XCR1: variants seen among roughly 807,000 people sequenced by gnomAD.
The protein encoded by XCR1 is chemokine XC receptor 1.
For missense variants in XCR1, 356 were observed against 424.2 expected (o/e 0.84, Z 1.41); for synonymous variants, 187 against 188.5 (o/e 0.99, Z 0.06).
At chr3:46,073,843 C>A (rs1440487487) in intron 3 of XCR1, among the ~76,000 whole-genome samples, 1 of 151,598 alleles carries the variant, frequency 6.6e-6, no homozygotes, top group African/African-American at 2.4e-5. Flanking sequence ...TATTACAAAT[C>A]ATCAGAGAAA....
chr3:46,072,557 C>T (rs72889737), intron 3 of XCR1, among the ~76,000 whole-genome samples: 13,902 of 151,888 alleles, frequency 0.092, 2,163 homozygotes, highest in African/African-American at 0.32. Context: ...ATAAATTTAA[C>T]CAAGGAGGTG....
chr3:46,024,126 G>T, intron 1 of XCR1: 1 of 661,068 alleles, frequency 1.5e-6, no homozygotes, highest in Non-Finnish European at 2.7e-6. Context: ...ATCTCCCTGA[G>T]AATATTCTGA....
At chr3:46,065,923 G>C (rs528466983) in intron 4 of XCR1, among the ~76,000 whole-genome samples, 193 of 152,316 alleles carry the variant, frequency 1.3e-3, no homozygotes, top group African/African-American at 4.5e-3. Flanking sequence ...CTCCGGAAGA[G>C]GCCACGTAGG....
In XCR1 at chr3:46,063,197, A is replaced by G. The variant is rs188700352; in HGVS notation, c.-183+3702T>C. On this transcript the variant is annotated intron_variant, in intron 4 of 5. Transcript: ENST00000683768. ...TAATTGATGACAATTCAAGGAAGAG[A>G]CCATTTACAAAGGTGTGGCAGGATA... 8.9e-4 allele frequency among the ~76,000 whole-genome samples: 135 copies of G among 152,276 alleles called. 2 individuals carry two copies. The highest frequency in any genetic ancestry group is 2.5e-3 in the African/African-American group (105 of 41,554).
upstream of XCR1, among the ~76,000 whole-genome samples, chr3:46,030,858 G>A (rs549172901): frequency 2.6e-5 from 4 of 152,358 alleles, no homozygotes; most frequent in East Asian, 5.8e-4. Flanking sequence ...AGCCTCTGCC[G>A]CAGCCTCAAC....
At chr3:46,026,126 A>G (rs60080146) in intron 1 of XCR1, among the ~76,000 whole-genome samples, 15,446 of 152,194 alleles carry the variant, frequency 0.1, 2,658 homozygotes, top group African/African-American at 0.35. Flanking sequence ...ACACCCTTTG[A>G]TGATATAAAC....
chr3:46,018,375 G>A lies in XCR1; in HGVS notation c.*2571C>T, dbSNP rs1708081050. Reference sequence around the variant, plus strand: ...GTGGGTATGTGAGTAGGAGTCCTTTGCCTTTTTGCTCCCTGGCTCAGCCTG... The same window carrying A: ...GTGGGTATGTGAGTAGGAGTCCTTTACCTTTTTGCTCCCTGGCTCAGCCTG... On this transcript the variant is annotated 3_prime_UTR_variant, in exon 2 of 2. Transcript: ENST00000309285. 1 of 152,228 alleles carries A rather than the reference G, an allele frequency of 6.6e-6. No homozygotes were observed. Among genetic ancestry groups the A allele is most frequent in the South Asian group, 2.1e-4 (1 of 4,826 alleles). The allele number at this position is 152,228 out of a possible 1,614,324, so 9.4% of individuals were successfully genotyped here. A position where few individuals can be genotyped will look rare whatever the true frequency, so the allele number is the denominator to read the frequency against.
chr3:46,024,235 A>C, intron 1 of XCR1: 2 of 348,110 alleles, frequency 5.7e-6, no homozygotes, highest in South Asian at 7.5e-5. Flanking sequence ...AAAAAAATGA[A>C]AAGGGAAAAC....
intron 2 of XCR1, among the ~76,000 whole-genome samples, chr3:46,076,041 G>A (rs1406732429): frequency 6.6e-6 from 1 of 152,144 alleles, no homozygotes; most frequent in Non-Finnish European, 1.5e-5. Context: ...TGTTAGTCAG[G>A]GTTCTCCAGG....
intron 1 of XCR1, among the ~76,000 whole-genome samples, chr3:46,082,328 T>C (rs1256860543): frequency 1.3e-5 from 2 of 152,064 alleles, no homozygotes; most frequent in Non-Finnish European, 1.5e-5. Context: ...TAGGCCTCCA[T>C]ACTGTGAGTA....
intron 5 of XCR1, among the ~76,000 whole-genome samples, chr3:46,046,997 G>C (rs532161513): frequency 6.6e-6 from 1 of 152,140 alleles, no homozygotes; most frequent in Non-Finnish European, 1.5e-5. Context: ...CAACGCAATT[G>C]CTGCTGCAAT....
At chr3:46,075,150 G>T (rs1698235014) in intron 2 of XCR1, among the ~76,000 whole-genome samples, 1 of 151,806 alleles carries the variant, frequency 6.6e-6, no homozygotes, top group South Asian at 2.1e-4. Flanking sequence ...TTGGCAGAGG[G>T]ACAGACACAA....
At chr3:46,035,371 C>A (rs1378723019) in intron 5 of XCR1, among the ~76,000 whole-genome samples, 1 of 152,220 alleles carries the variant, frequency 6.6e-6, no homozygotes, top group Admixed American at 6.5e-5. Context: ...GTTGCAGCAC[C>A]TGATTAAAGC....
chr3:46,076,500 G>A (rs2125903840), intron 2 of XCR1, among the ~76,000 whole-genome samples: 1 of 151,362 alleles, frequency 6.6e-6, no homozygotes, highest in Middle Eastern at 3.4e-3. Context: ...TCATCTTGCA[G>A]AGTTGAGTGC....
intron 2 of XCR1, among the ~76,000 whole-genome samples, chr3:46,074,895 C>T (rs1295189016): frequency 6.6e-6 from 1 of 152,112 alleles, no homozygotes; most frequent in Non-Finnish European, 1.5e-5. Context: ...TAAACCCACT[C>T]TTCAAAAAGC....
chr3:46,082,516 G>T (rs1698390504), intron 1 of XCR1, among the ~76,000 whole-genome samples: 1 of 136,964 alleles, frequency 7.3e-6, no homozygotes, highest in South Asian at 2.3e-4. Flanking sequence ...TTAGAGATGG[G>T]GTTTTGCTCT....
intron 1 of XCR1, chr3:46,023,909 T>C: frequency 6.7e-7 from 1 of 1,500,798 alleles, no homozygotes; most frequent in Non-Finnish European, 9.2e-7. Flanking sequence ...AGGCCAGACT[T>C]CTAAAAAGGT....
chr3:46,052,147 TC>T (rs1697759028), intron 5 of XCR1, among the ~76,000 whole-genome samples: 1 of 152,196 alleles, frequency 6.6e-6, no homozygotes, highest in South Asian at 2.1e-4. Context: ...GTCCCATATA[TC>T]CTGCTGGTAA....
At chr3:46,037,818 G>T (rs1241216485) in intron 5 of XCR1, among the ~76,000 whole-genome samples, 1 of 152,120 alleles carries the variant, frequency 6.6e-6, no homozygotes, top group Non-Finnish European at 1.5e-5. Flanking sequence ...GCCAGATTTA[G>T]CATGGAGCCA....
Sources: allele counts gnomAD v4.1 joint callset (sites outside exome capture counted in the v4.1 genomes callset), GRCh38; gene constraint gnomAD v4.1.1; transcripts MANE v1.5; gene names NCBI Gene and HGNC (gene_info 2026-07-23, HGNC 2026-07-21).